The following ERLEC1 variants were observed in gnomAD, a reference collection of about 807,000 sequenced individuals.
ERLEC1 encodes the protein endoplasmic reticulum lectin 1.
A neutral mutation model predicts 68.0 loss-of-function variants in ERLEC1; 47 were observed. That is an observed-to-expected ratio of 0.69 (90% CI 0.55 to 0.88). The LOEUF (loss-of-function observed/expected upper bound fraction) is 0.88, where lower values mean the gene tolerates loss of function less well. ERLEC1 is among the 40% of genes least tolerant of loss of function. The pLI, the probability that ERLEC1 is intolerant of heterozygous loss-of-function variation, is 0.00. For synonymous variants in ERLEC1, 225 were observed against 203.2 expected (o/e 1.11, Z -0.91); for missense variants, 567 against 583.8 (o/e 0.97, Z 0.30).
chr2:53,814,041 G>T (rs1436632419), intron 11 of ERLEC1, among the ~76,000 whole-genome samples: 1 of 152,168 alleles, frequency 6.6e-6, no homozygotes, highest in Admixed American at 6.5e-5. Flanking sequence ...TACAATATAT[G>T]TTGAAGAATG....
chr2:53,799,411 A>G (rs1675889858), intron 6 of ERLEC1, among the ~76,000 whole-genome samples: 1 of 152,154 alleles, frequency 6.6e-6, no homozygotes, highest in South Asian at 2.1e-4. Flanking sequence ...TTTGGTCCCC[A>G]TTTCCTGTGG....
At chr2:53,808,560 G>GA in intron 9 of ERLEC1, 100 bp downstream of exon 9, 2 of 1,145,016 alleles carry the variant, frequency 1.7e-6, no homozygotes, top group Admixed American at 5.0e-5. Flanking sequence ...TTTCTCTAGA[G>GA]AAATGACAGG....
chr2:53,790,772 C>T (rs549222027), intron 1 of ERLEC1, among the ~76,000 whole-genome samples: 19 of 152,042 alleles, frequency 1.2e-4, no homozygotes, highest in South Asian at 4.1e-4. Flanking sequence ...CTCACCTGGC[C>T]AAAAAATTTG....
chr2:53,808,739 T>C (rs1676433580), intron 9 of ERLEC1, among the ~76,000 whole-genome samples: 1 of 152,214 alleles, frequency 6.6e-6, no homozygotes, highest in African/African-American at 2.4e-5. Context: ...CATGTGATTG[T>C]ATATCCCACA....
chr2:53,808,496 A>G lies in ERLEC1; in HGVS notation c.1041+36A>G, dbSNP rs764487085. 154 of 1,604,300 alleles carry G rather than the reference A, an allele frequency of 9.6e-5. 3 individuals carry two copies. The South Asian group carries it at 1.6e-3, about 17-fold the overall frequency. ...AATCTTCAGTTTAAATATTTATTTT[A>G]CAACTTTACCTGCCAGGTATGGTCA... is the stretch of plus-strand genomic sequence containing the variant. On this transcript the variant is annotated intron_variant, in intron 9 of 13. Coordinates refer to ENST00000185150, the MANE Select transcript of ERLEC1 (RefSeq NM_015701.5).
intron 12 of ERLEC1, 59 bp downstream of exon 12, chr2:53,814,679 C>A (rs923582423): frequency 3.9e-6 from 5 of 1,267,506 alleles, no homozygotes; most frequent in Admixed American, 3.7e-5. Flanking sequence ...TTCCTATGGA[C>A]AAAAGTTTTA....
intron 10 of ERLEC1, among the ~76,000 whole-genome samples, chr2:53,812,713 A>G (rs1676655262): frequency 6.6e-6 from 1 of 152,202 alleles, no homozygotes; most frequent in Admixed American, 6.5e-5. Flanking sequence ...AGCCGAAAAT[A>G]ACTACATTTA....
chr2:53,810,771 G>A (rs940750624), intron 10 of ERLEC1, among the ~76,000 whole-genome samples: 1 of 151,966 alleles, frequency 6.6e-6, no homozygotes, highest in Admixed American at 6.6e-5. Context: ...GTTTTGTTTT[G>A]TTTTGTTTTT....
In ERLEC1 at chr2:53,799,055, G is replaced by T. The variant is rs778316595; in HGVS notation, c.499G>T (p.Ala167Ser). ...ACCTTATTATTCCACAGAACGAGAA[G>T]CAGAAGAAAAGGAAAAATCAAATGA... ...KNLLFEKERE[A>S]EEKEKSNEIP... Residue 167 changes from alanine (A) to serine (S), a missense_variant, in exon 6 of 14, where the codon GCA becomes TCA. Ala to Ser is a moderately conservative substitution (Grantham distance 99). Transcript: ENST00000185150. The T allele has an allele frequency of 6.2e-7, 1 of 1,612,452 alleles. No individual in the cohort carries two copies. Among genetic ancestry groups the T allele is most frequent in the Admixed American group, 1.7e-5 (1 of 59,932 alleles).
chr2:53,797,810 A>C lies in ERLEC1; in HGVS notation c.490+15A>C, dbSNP rs528864733. 1.2e-6 allele frequency: 2 copies of C among 1,605,132 alleles called. No homozygotes were observed. The highest frequency in any genetic ancestry group is 2.2e-5 in the East Asian group (1 of 44,790). ...ATTTGAAAAAGGTTGGTGTCTACCC[A>C]GTGATTTGACAGTAATGCTGGAATT... On this transcript the variant is annotated intron_variant, in intron 5 of 13. Transcript: ENST00000185150.
chr2:53,807,279 A>G lies in ERLEC1; in HGVS notation c.880-1020A>G, dbSNP rs534568931. On this transcript the variant is annotated intron_variant, in intron 8 of 13. Coordinates refer to ENST00000185150, the MANE Select transcript of ERLEC1 (RefSeq NM_015701.5). Reference sequence around the variant, plus strand: ...ACACAGATAAACACATAAATCACAAATTATTATTCTTGTTTCAAGAATTGA... The same window carrying G: ...ACACAGATAAACACATAAATCACAAGTTATTATTCTTGTTTCAAGAATTGA... Among the ~76,000 whole-genome samples the G allele has an allele frequency of 2.3e-4, 35 of 152,304 alleles. No individual in the cohort carries two copies. The East Asian group carries it at 6.2e-3, about 27-fold the overall frequency.
Position 53,808,412 on chromosome 2 carries a change from T to C in ERLEC1, c.993T>C (p.Asp331=). 6.2e-7 allele frequency: 1 copy of C among 1,614,204 alleles called. No individual in the cohort carries two copies. The highest frequency in any genetic ancestry group is 8.5e-7 in the Non-Finnish European group (1 of 1,180,026). The part of the protein sequence containing the change: ...VGTTHISKLT[D]DQLIKEFLSG... ...CAACCCACATATCCAAATTGACAGA[T>C]GACCAACTCATAAAAGAGTTTCTTA... The change falls in exon 9 of 14, where the codon GAT becomes GAC. Residue 331 remains aspartate (D), a synonymous_variant. Transcript: ENST00000185150.
chr2:53,798,655 TA>T (rs1344289540), intron 5 of ERLEC1, among the ~76,000 whole-genome samples: 1 of 151,630 alleles, frequency 6.6e-6, no homozygotes, highest in Non-Finnish European at 1.5e-5. Context: ...TAGTGTTATA[TA>T]TAAGTGTTAG....
rs1366295664 is a variant in ERLEC1, at chr2:53,801,764, T to G, written c.801T>G (p.Ser267=). The change falls in exon 8 of 14, where the codon TCT becomes TCG. Residue 267 remains serine (S), a synonymous_variant. Coordinates refer to ENST00000185150, the MANE Select transcript of ERLEC1 (RefSeq NM_015701.5). ...TATTTTGTCAATCACTGCCAGGATC[T>G]CCATTTAAGCCCCTCACCCTGAGGC... ...NDIFCQSLPG[S]PFKPLTLRQL... 22 of 1,613,986 alleles carry G rather than the reference T, an allele frequency of 1.4e-5. No individual in the cohort carries two copies. The highest frequency in any genetic ancestry group is 1.9e-5 in the Non-Finnish European group (22 of 1,179,882).
intron 13 of ERLEC1, among the ~76,000 whole-genome samples, chr2:53,816,392 G>C (rs186663612): frequency 9.4e-4 from 142 of 150,418 alleles, no homozygotes; most frequent in Admixed American, 2.6e-3. Context: ...TCAGCCTCCC[G>C]AGTAGCTGGT....
chr2:53,800,386 G>A (rs561745145), intron 6 of ERLEC1, among the ~76,000 whole-genome samples: 17 of 152,074 alleles, frequency 1.1e-4, no homozygotes, highest in Admixed American at 9.2e-4. Flanking sequence ...GTGCATGACT[G>A]TATATTATTA....
chr2:53,787,493 A>C, intron 1 of ERLEC1, 121 bp downstream of exon 1: 1 of 1,167,712 alleles, frequency 8.6e-7, no homozygotes, highest in Non-Finnish European at 1.2e-6. Flanking sequence ...TACCTTCCCC[A>C]AGCCAAAGCT....
At chr2:53,805,448 G>A (rs552259536) in intron 8 of ERLEC1, among the ~76,000 whole-genome samples, 31 of 152,120 alleles carry the variant, frequency 2.0e-4, no homozygotes, top group African/African-American at 7.2e-4. Context: ...GAACTCCTGA[G>A]CTCAAGCATT....
chr2:53,796,547 C>G (rs1056011726), intron 3 of ERLEC1, among the ~76,000 whole-genome samples: 1 of 151,904 alleles, frequency 6.6e-6, no homozygotes, highest in Non-Finnish European at 1.5e-5. Flanking sequence ...GCAGCCCCAA[C>G]GTCCCATGCT....
Sources: gnomAD v4.1 joint callset for allele counts (sites outside exome capture counted in the v4.1 genomes callset) on GRCh38, gnomAD v4.1.1 for gene constraint, MANE v1.5 for transcripts, NCBI Gene and HGNC (gene_info 2026-07-23, HGNC 2026-07-21) for gene names.